The following PTPRN2 variants were observed in gnomAD, a reference collection of about 807,000 sequenced individuals.
The protein encoded by PTPRN2 is receptor-type tyrosine-protein phosphatase N2.
A neutral mutation model predicts 118.8 loss-of-function variants in PTPRN2; 74 were observed. That is an observed-to-expected ratio of 0.62 (90% CI 0.52 to 0.76). PTPRN2 has a LOEUF of 0.76. Ranked by LOEUF, PTPRN2 falls within the 30% of genes least tolerant of loss-of-function variation. PTPRN2 has a pLI of 0.00. For missense variants in PTPRN2, 1,481 were observed against 1,394.4 expected, an observed-to-expected ratio of 1.06 and a Z score of -0.99; for synonymous variants, 641 against 608.0, an observed-to-expected ratio of 1.05 and a Z score of -0.80.
At position 158,438,913 on chromosome 7, in the gene PTPRN2, C is replaced by A. The variant is rs2129432357; in HGVS notation, c.163+50822G>T. On this transcript the variant is annotated intron_variant, in intron 2 of 22. Coordinates refer to ENST00000389418, the MANE Select transcript of PTPRN2 (RefSeq NM_002847.5). The surrounding 1 kb of genome is among the most constrained non-coding windows in gnomAD (Gnocchi z 4.7). ...CAAGCTGGGAACTGCTCAGGGCAAA[C>A]CTGCCTCCCATTCTGTTCAAAGTCA... Among the ~76,000 whole-genome samples the A allele has an allele frequency of 6.6e-6, 1 of 152,280 alleles. No individual in the cohort carries two copies. Among genetic ancestry groups the A allele is most frequent in the African/African-American group, 2.4e-5 (1 of 41,548 alleles).
chr7:158,442,693 G>A (rs905380517), intron 2 of PTPRN2, among the ~76,000 whole-genome samples: 2 of 152,150 alleles, frequency 1.3e-5, no homozygotes, highest in Non-Finnish European at 2.9e-5. Flanking sequence ...TGATTTTGTG[G>A]CTTGTACCCT....
At chr7:157,915,412 G>A (rs1415347809) in intron 11 of PTPRN2, among the ~76,000 whole-genome samples, 1 of 152,018 alleles carries the variant, frequency 6.6e-6, no homozygotes, top group Non-Finnish European at 1.5e-5. Context: ...CTTGGCTGTG[G>A]TTAATGTCCT....
chr7:158,167,404 A>G, intron 5 of PTPRN2, 113 bp from the exon 6 acceptor site: 8 of 1,352,962 alleles, frequency 5.9e-6, no homozygotes, highest in Admixed American at 2.4e-5. Context: ...CTGGGGGTAC[A>G]AAGATGCCCT....
In PTPRN2 at chr7:157,550,614, G is replaced by A. The variant is rs1798549562; in HGVS notation, c.2903-1595C>T. Among the ~76,000 whole-genome samples the A allele has an allele frequency of 6.6e-6, 1 of 152,196 alleles. No homozygotes were observed. Among genetic ancestry groups the A allele is most frequent in the South Asian group, 2.1e-4 (1 of 4,834 alleles). Reference sequence around the variant, plus strand: ...AGGAACAGGGCTCGTGGTGATGGGAGCCACTGTCGGGGCTAAGCTGGCCGT... The same window carrying A: ...AGGAACAGGGCTCGTGGTGATGGGAACCACTGTCGGGGCTAAGCTGGCCGT... On this transcript the variant is annotated intron_variant, in intron 21 of 22. Coordinates refer to ENST00000389418, the MANE Select transcript of PTPRN2 (RefSeq NM_002847.5). The surrounding 1 kb of genome is among the most constrained non-coding windows in gnomAD (Gnocchi z 5.2).
At chr7:158,387,577 A>ACTCTCT (rs1586542379) in intron 2 of PTPRN2, among the ~76,000 whole-genome samples, 1,988 of 148,318 alleles carry the variant, frequency 0.013, no homozygotes, top group Non-Finnish European at 0.017. Context: ...CTGTCAGCTC[A>ACTCTCT]GCTTGGCCCG....
chr7:157,900,198 A>G (rs113793201), intron 11 of PTPRN2, among the ~76,000 whole-genome samples: 4,061 of 152,316 alleles, frequency 0.027, 185 homozygotes, highest in African/African-American at 0.092. Flanking sequence ...AGGGCAGGTA[A>G]CAACTGGGTC....
rs1800988514 is a variant in PTPRN2 at position 157,591,566 on chromosome 7, A to C, written c.2496+3672T>G. 6.6e-6 allele frequency among the ~76,000 whole-genome samples: 1 copy of C among 152,220 alleles called. No individual in the cohort carries two copies. Among genetic ancestry groups the C allele is most frequent in the East Asian group, 1.9e-4 (1 of 5,196 alleles). Reference sequence around the variant, plus strand: ...TTGGAAAAGTTCTGCCTTCCGTGGGAGGTTTTAAAGACAGGTGTTCTTCCT... The same window carrying C: ...TTGGAAAAGTTCTGCCTTCCGTGGGCGGTTTTAAAGACAGGTGTTCTTCCT... On this transcript the variant is annotated intron_variant, in intron 17 of 22. Transcript: ENST00000389418. This position sits in a 1 kb window ranked among gnomAD's most constrained non-coding sequence, Gnocchi z 4.4.
rs978443945 is a variant in PTPRN2 at position 157,627,922 on chromosome 7, C to A, written c.2197-6413G>T. On this transcript the variant is annotated intron_variant, in intron 14 of 22. Transcript: ENST00000389418. The surrounding 1 kb of genome is among the most constrained non-coding windows in gnomAD (Gnocchi z 4.2). ...CACCCTTTGAGAATGACACCATCAG[C>A]GCTCACATAATCTACTTTGTTAGAG... Among the ~76,000 whole-genome samples the A allele has an allele frequency of 2.6e-5, 4 of 152,320 alleles. No homozygotes were observed. The highest frequency in any genetic ancestry group is 5.9e-5 in the Non-Finnish European group (4 of 68,028).
intron 6 of PTPRN2, among the ~76,000 whole-genome samples, chr7:158,151,514 T>TCCCTGCCCC (rs1563522278): frequency 6.8e-6 from 1 of 146,076 alleles, no homozygotes. Context: ...TTTCTGCTCC[T>TCCCTGCCCC]CACCGCACGT....
chr7:157,588,224 G>A (rs942154073), intron 17 of PTPRN2, among the ~76,000 whole-genome samples: 2 of 152,262 alleles, frequency 1.3e-5, no homozygotes, highest in African/African-American at 2.4e-5. Context: ...TCTGGAAGAA[G>A]AGCACATAAT....
intron 2 of PTPRN2, among the ~76,000 whole-genome samples, chr7:158,365,850 C>CCCACA (rs1809428401): frequency 5.9e-5 from 6 of 102,560 alleles, no homozygotes; most frequent in African/African-American, 2.2e-4. Context: ...ACACACACAC[C>CCCACA]CACACACACA....
intron 14 of PTPRN2, among the ~76,000 whole-genome samples, chr7:157,623,472 G>A (rs1049076487): frequency 2.0e-5 from 3 of 152,190 alleles, no homozygotes; most frequent in African/African-American, 7.2e-5. Context: ...AGTAAAACAT[G>A]ATGGGTTCTA....
In PTPRN2 at chr7:158,003,643, C is replaced by T. The variant is rs1228487059; in HGVS notation, c.1723+77655G>A. On this transcript the variant is annotated intron_variant, in intron 11 of 22. Coordinates refer to ENST00000389418, the MANE Select transcript of PTPRN2 (RefSeq NM_002847.5). The surrounding 1 kb of genome is among the most constrained non-coding windows in gnomAD (Gnocchi z 5.0). ...GGGGACTGCAGAGGATGGATGTCTGCCCCACCTGTGGGGCTTCACCGTGGC... is the reference window on the plus strand; with the variant it reads ...GGGGACTGCAGAGGATGGATGTCTGTCCCACCTGTGGGGCTTCACCGTGGC... Among the ~76,000 whole-genome samples, 1 of 152,036 alleles carries T rather than the reference C, an allele frequency of 6.6e-6. No homozygotes were observed. The highest frequency in any genetic ancestry group is 1.5e-5 in the Non-Finnish European group (1 of 68,006).
chr7:158,533,642 A>G (rs1256101479), intron 1 of PTPRN2, among the ~76,000 whole-genome samples: 1 of 152,218 alleles, frequency 6.6e-6, no homozygotes. Context: ...GCATTGCACC[A>G]GGTGGACACC....
rs75573231 is a variant in PTPRN2 at position 157,888,094 on chromosome 7, C to T, written c.1788+10579G>A. On this transcript the variant is annotated intron_variant, in intron 12 of 22. Transcript: ENST00000389418. ...GTGAATGTTTCTGGAGAGACAGACC[C>T]TGGTTTTTCTTGGGCTCACGGACGG... Among the ~76,000 whole-genome samples, 1,504 of 151,796 alleles carry T rather than the reference C, an allele frequency of 9.9e-3. 25 individuals are homozygous for T. The highest frequency in any genetic ancestry group is 0.035 in the African/African-American group (1,443 of 41,354).
At chr7:158,386,006 C>T (rs181399295) in intron 2 of PTPRN2, among the ~76,000 whole-genome samples, 6,346 of 104,834 alleles carry the variant, frequency 0.061, 2 homozygotes, top group African/African-American at 0.17. Flanking sequence ...TCCCTCCTCC[C>T]GTGCCCCAAG....
At chr7:157,807,252 A>G (rs1357003596) in intron 12 of PTPRN2, among the ~76,000 whole-genome samples, 1 of 152,048 alleles carries the variant, frequency 6.6e-6, no homozygotes, top group Non-Finnish European at 1.5e-5. Context: ...CCCTCTTGAG[A>G]TGGGTTGGGG....
rs1413784712 is a variant in PTPRN2 at position 158,544,490 on chromosome 7, T to C, written c.112+43068A>G. Among the ~76,000 whole-genome samples, 1 of 152,020 alleles carries C rather than the reference T, an allele frequency of 6.6e-6. No individual in the cohort carries two copies. Among genetic ancestry groups the C allele is most frequent in the Non-Finnish European group, 1.5e-5 (1 of 67,996 alleles). On this transcript the variant is annotated intron_variant, in intron 1 of 22. Coordinates refer to ENST00000389418, the MANE Select transcript of PTPRN2 (RefSeq NM_002847.5). This position sits in a 1 kb window ranked among gnomAD's most constrained non-coding sequence, Gnocchi z 4.2. ...GTCTCTAATAAAAATACAAAAAAAT[T>C]AGCCTGGTGTGGTGGCACATGCCTG...
chr7:158,078,018 C>T (rs1310458766), intron 11 of PTPRN2, among the ~76,000 whole-genome samples: 1 of 152,138 alleles, frequency 6.6e-6, no homozygotes, highest in African/African-American at 2.4e-5. Context: ...ATACCCTGTG[C>T]TCATACCCAA....
Sources: allele counts gnomAD v4.1 joint callset (sites outside exome capture counted in the v4.1 genomes callset), GRCh38; gene constraint gnomAD v4.1.1; non-coding constraint Gnocchi (gnomAD v3.1); transcripts MANE v1.5; gene names NCBI Gene and HGNC (gene_info 2026-07-23, HGNC 2026-07-21).